WWOX: variants seen among roughly 807,000 people sequenced by gnomAD.
WWOX encodes the protein WW domain containing oxidoreductase, also known as WW domain-containing oxidoreductase.
In WWOX, 69 loss-of-function variants were observed where a neutral mutation model predicts 46.2. The observed-to-expected ratio is 1.49, with a 90% confidence interval of 1.23 to 1.82. WWOX has a LOEUF of 1.82. WWOX is among the 40% of genes most tolerant of loss of function. The pLI is 0.00. For missense variants in WWOX, 919 were observed against 542.6 expected (o/e 1.69, Z -6.89); for synonymous variants, 359 against 202.6 (o/e 1.77, Z -6.56).
intron 8 of WWOX, among the ~76,000 whole-genome samples, chr16:78,546,672 G>T (rs2044040559): frequency 1.3e-5 from 2 of 152,156 alleles, no homozygotes; most frequent in Admixed American, 6.5e-5. Flanking sequence ...CATTCAGGAT[G>T]GGGTCTAGGA....
chr16:78,979,251 A>G (rs1377933271), intron 8 of WWOX, among the ~76,000 whole-genome samples: 4 of 152,158 alleles, frequency 2.6e-5, no homozygotes, highest in African/African-American at 4.8e-5. Flanking sequence ...AAAACAAGCC[A>G]TCCCCATTCC....
intron 8 of WWOX, among the ~76,000 whole-genome samples, chr16:79,116,798 G>A (rs1457711268): frequency 6.6e-6 from 1 of 151,794 alleles, no homozygotes; most frequent in Non-Finnish European, 1.5e-5. Flanking sequence ...CATCTAGAAT[G>A]CTGAATCCTT....
chr16:78,761,564 C>G (rs543063799), intron 8 of WWOX, among the ~76,000 whole-genome samples: 1 of 152,044 alleles, frequency 6.6e-6, no homozygotes, highest in Admixed American at 6.6e-5. Flanking sequence ...GGTGGGCTCA[C>G]AGCTCTTGAC....
chr16:78,790,120 G>C (rs2050556364), intron 8 of WWOX, among the ~76,000 whole-genome samples: 1 of 152,126 alleles, frequency 6.6e-6, no homozygotes, highest in East Asian at 1.9e-4. Flanking sequence ...ATTGTTTCAG[G>C]ATTATTATTT....
intron 6 of WWOX, among the ~76,000 whole-genome samples, chr16:78,422,021 G>C (rs552228984): frequency 2.4e-4 from 36 of 152,152 alleles, no homozygotes; most frequent in African/African-American, 8.2e-4. Flanking sequence ...ATGCTAATTT[G>C]ATAGAAAATA....
At chr16:78,727,707 T>C (rs1211274859) in intron 8 of WWOX, among the ~76,000 whole-genome samples, 2 of 152,142 alleles carry the variant, frequency 1.3e-5, no homozygotes, top group Non-Finnish European at 2.9e-5. Flanking sequence ...AGGCTAATAG[T>C]AGTGCTGTGT....
intron 8 of WWOX, among the ~76,000 whole-genome samples, chr16:78,561,841 A>G (rs879541365): frequency 2.0e-5 from 3 of 152,156 alleles, no homozygotes; most frequent in South Asian, 2.1e-4. Flanking sequence ...TTCAGTTACC[A>G]GCAGTGGAAG....
chr16:78,592,485 C>T (rs2045374820), intron 8 of WWOX, among the ~76,000 whole-genome samples: 1 of 152,182 alleles, frequency 6.6e-6, no homozygotes, highest in African/African-American at 2.4e-5. Context: ...CAGAGTTATT[C>T]CTCAAGCCCC....
At chr16:78,323,094 G>A (rs1490647128) in intron 5 of WWOX, among the ~76,000 whole-genome samples, 2 of 151,914 alleles carry the variant, frequency 1.3e-5, no homozygotes, top group Non-Finnish European at 2.9e-5. Context: ...CTATGATTTG[G>A]GGTTCTTGTA....
intron 8 of WWOX, among the ~76,000 whole-genome samples, chr16:78,769,060 G>C (rs2049996508): frequency 6.6e-6 from 1 of 152,306 alleles, no homozygotes; most frequent in South Asian, 2.1e-4. Context: ...GTTGGGGTTG[G>C]GTAGGCGCAG....
At chr16:78,640,834 G>A (rs898220761) in intron 8 of WWOX, among the ~76,000 whole-genome samples, 1 of 151,910 alleles carries the variant, frequency 6.6e-6, no homozygotes, top group Admixed American at 6.6e-5. Flanking sequence ...AGCTATTCGG[G>A]AGGGTGAGGC....
At chr16:78,527,727 A>AGGTTCTTCTTTAGTTCAGT (rs1555555148) in intron 8 of WWOX, among the ~76,000 whole-genome samples, 1 of 151,644 alleles carries the variant, frequency 6.6e-6, no homozygotes, top group Non-Finnish European at 1.5e-5. Context: ...CCTCATGAAC[A>AGGTTCTTCTTTAGTTCAGT]GGTTCTTGAT....
chr16:78,488,044 C>T (rs570663136), intron 8 of WWOX, among the ~76,000 whole-genome samples: 1 of 152,298 alleles, frequency 6.6e-6, no homozygotes, highest in South Asian at 2.1e-4. Context: ...CCTCTTCTCT[C>T]TCAGGCTGTT....
At chr16:78,885,704 A>G (rs1175205725) in intron 8 of WWOX, among the ~76,000 whole-genome samples, 3 of 152,196 alleles carry the variant, frequency 2.0e-5, no homozygotes, top group Non-Finnish European at 4.4e-5. Context: ...AACTCAATAC[A>G]TTAATATCTC....
intron 8 of WWOX, among the ~76,000 whole-genome samples, chr16:78,804,179 C>G (rs1482794904): frequency 1.3e-5 from 2 of 152,056 alleles, no homozygotes; most frequent in African/African-American, 4.8e-5. Flanking sequence ...TGGGGGTCCT[C>G]TTGAAGAGCC....
intron 8 of WWOX, among the ~76,000 whole-genome samples, chr16:78,581,064 A>T (rs995908986): frequency 8.7e-5 from 13 of 150,200 alleles, no homozygotes; most frequent in African/African-American, 3.2e-4. Flanking sequence ...AGAGTGGTTG[A>T]TTTTTTTTTT....
At chr16:78,633,729 G>C (rs2046496630) in intron 8 of WWOX, among the ~76,000 whole-genome samples, 1 of 152,156 alleles carries the variant, frequency 6.6e-6, no homozygotes, top group African/African-American at 2.4e-5. Context: ...TGGCAGGCCT[G>C]GCTTTCTTCT....
intron 5 of WWOX, among the ~76,000 whole-genome samples, chr16:78,216,746 T>A (rs1264019382): frequency 6.6e-6 from 1 of 152,086 alleles, no homozygotes; most frequent in African/African-American, 2.4e-5. Context: ...TTTATTTTAT[T>A]TGTGAGACAG....
At chr16:78,612,394 T>G (rs2045922712) in intron 8 of WWOX, among the ~76,000 whole-genome samples, 1 of 152,234 alleles carries the variant, frequency 6.6e-6, no homozygotes, top group Non-Finnish European at 1.5e-5. Context: ...GCAGGCAGCG[T>G]GGCGTAGGCC....
Sources: allele counts gnomAD v4.1 joint callset (sites outside exome capture counted in the v4.1 genomes callset), GRCh38; gene constraint gnomAD v4.1.1; transcripts MANE v1.5; gene names NCBI Gene and HGNC (gene_info 2026-07-23, HGNC 2026-07-21).